Variants in CDH18 observed in about 807,000 individuals in gnomAD.
CDH18 encodes cadherin 18.
CDH18 carries 31 observed loss-of-function variants against 67.9 expected under a neutral mutation model. The observed-to-expected ratio is 0.46, with a 90% confidence interval of 0.34 to 0.62. CDH18 has a LOEUF of 0.62. Among genes scored for constraint, CDH18 ranks in the 20% least tolerant of loss-of-function variants. The probability of loss-of-function intolerance (pLI) is 0.01; values close to 1 mark genes in which losing one functional copy is unlikely to be tolerated. For synonymous variants in CDH18, 362 were observed against 347.2 expected (o/e 1.04, Z -0.48); for missense variants, 890 against 975.5 (o/e 0.91, Z 1.17).
intron 9 of CDH18, among the ~76,000 whole-genome samples, chr5:19,521,151 A>G (rs923692872): frequency 4.6e-5 from 7 of 152,194 alleles, no homozygotes; most frequent in African/African-American, 1.7e-4. Context: ...ATAATTACCT[A>G]ATCTTTAAAA....
chr5:19,691,562 C>A (rs1761894204), intron 5 of CDH18, among the ~76,000 whole-genome samples: 1 of 151,662 alleles, frequency 6.6e-6, no homozygotes, highest in Non-Finnish European at 1.5e-5. Flanking sequence ...ACTCAACATA[C>A]AAATAAACAG....
intron 1 of CDH18, among the ~76,000 whole-genome samples, chr5:20,510,400 T>C (rs2126481775): frequency 6.6e-6 from 1 of 152,308 alleles, no homozygotes; most frequent in East Asian, 1.9e-4. Flanking sequence ...CAGAAACATT[T>C]TAGTTTATGT....
At position 19,501,200 on chromosome 5, in the gene CDH18, T is replaced by C. The variant is rs187254239; in HGVS notation, c.1630+1792A>G. Among the ~76,000 whole-genome samples the C allele has an allele frequency of 1.3e-3, 196 of 147,980 alleles. 1 individual carries two copies. Among genetic ancestry groups the C allele is most frequent in the Non-Finnish European group, 1.5e-3 (101 of 67,194 alleles). ...AAATATATATAATTACAATTACATA[T>C]ATAAACATATATATAATTACATATA... On this transcript the variant is annotated intron_variant, in intron 11 of 12. Transcript: ENST00000382275.
intron 2 of CDH18, among the ~76,000 whole-genome samples, chr5:19,924,491 T>A (rs1207326424): frequency 1.3e-5 from 2 of 151,878 alleles, no homozygotes; most frequent in African/African-American, 4.8e-5. Flanking sequence ...CTCGGAGTGG[T>A]GGCAGGCGCC....
intron 2 of CDH18, among the ~76,000 whole-genome samples, chr5:20,028,540 A>T (rs947453851): frequency 6.6e-6 from 1 of 152,210 alleles, no homozygotes; most frequent in African/African-American, 2.4e-5. Context: ...AGAAAAAAGA[A>T]GTTTTCCATA....
At chr5:19,925,079 T>C (rs893241247) in intron 2 of CDH18, among the ~76,000 whole-genome samples, 1 of 152,158 alleles carries the variant, frequency 6.6e-6, no homozygotes, top group African/African-American at 2.4e-5. Context: ...ATGGAATATA[T>C]ACTGTATTCT....
chr5:19,618,319 C>A (rs1295259629), intron 5 of CDH18, among the ~76,000 whole-genome samples: 1 of 152,004 alleles, frequency 6.6e-6, no homozygotes, highest in Middle Eastern at 3.4e-3. Flanking sequence ...GATTCCCCTG[C>A]GTTCGCTTCC....
intron 1 of CDH18, among the ~76,000 whole-genome samples, chr5:20,504,871 C>G (rs150587710): frequency 3.4e-5 from 5 of 149,132 alleles, no homozygotes; most frequent in Admixed American, 1.4e-4. Context: ...AGGTTCATGC[C>G]GTTCTCCTGC....
chr5:20,380,555 C>A (rs1743829439), intron 1 of CDH18, among the ~76,000 whole-genome samples: 1 of 152,064 alleles, frequency 6.6e-6, no homozygotes, highest in African/African-American at 2.4e-5. Flanking sequence ...TTACCTAAAG[C>A]ATGAAAACAA....
At chr5:20,465,112 G>A (rs1427444722) in intron 1 of CDH18, among the ~76,000 whole-genome samples, 1 of 152,100 alleles carries the variant, frequency 6.6e-6, no homozygotes, top group Non-Finnish European at 1.5e-5. Context: ...GAGGCACTGA[G>A]CACAACTCTG....
intron 2 of CDH18, among the ~76,000 whole-genome samples, chr5:20,244,481 T>G (rs1407793333): frequency 1.3e-5 from 2 of 151,864 alleles, no homozygotes; most frequent in Non-Finnish European, 2.9e-5. Context: ...ACCTCATCAT[T>G]GCAACAGTAG....
intron 11 of CDH18, among the ~76,000 whole-genome samples, chr5:19,495,212 A>G (rs1422908552): frequency 1.3e-5 from 2 of 152,284 alleles, no homozygotes; most frequent in Non-Finnish European, 2.9e-5. Context: ...ATTAAATTTG[A>G]AAGAGCAAAT....
chr5:20,556,134 AT>A (rs1284907902), intron 1 of CDH18, among the ~76,000 whole-genome samples: 1 of 152,190 alleles, frequency 6.6e-6, no homozygotes, highest in Non-Finnish European at 1.5e-5. Context: ...CTAATAGAAT[AT>A]TGCATAGCTG....
chr5:20,243,517 T>TA (rs1480959734), intron 2 of CDH18, among the ~76,000 whole-genome samples: 1 of 152,112 alleles, frequency 6.6e-6, no homozygotes, highest in East Asian at 1.9e-4. Flanking sequence ...TGATGAACAG[T>TA]ATGACACCAT....
chr5:20,068,505 A>G (rs1024587049), intron 2 of CDH18, among the ~76,000 whole-genome samples: 1 of 151,978 alleles, frequency 6.6e-6, no homozygotes, highest in Admixed American at 6.6e-5. Flanking sequence ...GTCTATAATT[A>G]TTTTTTCTTC....
chr5:19,598,276 C>T (rs1251144523), intron 6 of CDH18, among the ~76,000 whole-genome samples: 1 of 152,056 alleles, frequency 6.6e-6, no homozygotes, highest in African/African-American at 2.4e-5. Context: ...GTACATTTGT[C>T]CCTGTGGTTT....
chr5:20,226,502 T>C (rs893037400), intron 2 of CDH18, among the ~76,000 whole-genome samples: 2 of 152,124 alleles, frequency 1.3e-5, no homozygotes, highest in African/African-American at 4.8e-5. Flanking sequence ...GTTTTTTTGA[T>C]AGAGTTGATA....
At chr5:19,713,957 C>T (rs895531566) in intron 5 of CDH18, among the ~76,000 whole-genome samples, 1 of 152,078 alleles carries the variant, frequency 6.6e-6, no homozygotes, top group Non-Finnish European at 1.5e-5. Context: ...GTGCACTGTA[C>T]TATGAAGGTG....
At chr5:19,811,797 G>A (rs1198460359) in intron 3 of CDH18, among the ~76,000 whole-genome samples, 1 of 151,742 alleles carries the variant, frequency 6.6e-6, no homozygotes, top group Non-Finnish European at 1.5e-5. Context: ...AAACAATAGT[G>A]GAAAAATTCA....
Sources: gnomAD v4.1 joint callset for allele counts (sites outside exome capture counted in the v4.1 genomes callset) on GRCh38, gnomAD v4.1.1 for gene constraint, MANE v1.5 for transcripts, NCBI Gene and HGNC (gene_info 2026-07-23, HGNC 2026-07-21) for gene names.